The following CCDC91 variants were observed in gnomAD, a reference collection of about 807,000 sequenced individuals.
CCDC91 encodes the protein coiled-coil domain-containing protein 91.
A neutral mutation model predicts 63.2 loss-of-function variants in CCDC91; 48 were observed. The ratio of observed to expected loss-of-function variants is 0.76; its 90% CI spans 0.60 to 0.97. CCDC91 has a LOEUF of 0.97. Among genes scored for constraint, CCDC91 ranks in the 50% least tolerant of loss-of-function variants. The probability of loss-of-function intolerance (pLI) is 0.00; values close to 1 mark genes in which losing one functional copy is unlikely to be tolerated. For missense variants in CCDC91, 500 were observed against 494.6 expected (o/e 1.01, Z -0.10); for synonymous variants, 167 against 165.8 (o/e 1.01, Z -0.06).
intron 1 of CCDC91, among the ~76,000 whole-genome samples, chr12:28,238,484 T>G (rs1249279752): frequency 6.6e-6 from 1 of 152,204 alleles, no homozygotes; most frequent in East Asian, 1.9e-4. Flanking sequence ...TGTGAGTTAC[T>G]AGAGCCTTTG....
chr12:28,311,234 C>A (rs1939289218), intron 6 of CCDC91, among the ~76,000 whole-genome samples: 1 of 151,918 alleles, frequency 6.6e-6, no homozygotes, highest in South Asian at 2.1e-4. Flanking sequence ...ACATCCCTGG[C>A]TGGGAGCAGG....
intron 11 of CCDC91, among the ~76,000 whole-genome samples, chr12:28,471,989 G>A (rs1215878633): frequency 7.2e-5 from 11 of 152,108 alleles, no homozygotes; most frequent in Admixed American, 7.2e-4. Flanking sequence ...GCCCTCAAGT[G>A]ATCAGCCCGC....
At chr12:28,276,883 T>C (rs1948266697) in intron 3 of CCDC91, among the ~76,000 whole-genome samples, 1 of 152,026 alleles carries the variant, frequency 6.6e-6, no homozygotes, top group Non-Finnish European at 1.5e-5. Flanking sequence ...TTTAAAGGTT[T>C]ATATACAGTT....
At chr12:28,222,528 A>G (rs2135695928) in intron 1 of CCDC91, among the ~76,000 whole-genome samples, 1 of 152,300 alleles carries the variant, frequency 6.6e-6, no homozygotes, top group South Asian at 2.1e-4. Context: ...TATTTTTACT[A>G]AGCCTTGAAA....
At chr12:28,236,904 T>G (rs1215439417) in intron 1 of CCDC91, 2 of 152,100 alleles carry the variant, frequency 1.3e-5, no homozygotes, top group East Asian at 1.9e-4. Context: ...ACATTTCAAG[T>G]AAAGAATTTG....
At chr12:28,219,936 T>C (rs1259423693) in intron 1 of CCDC91, among the ~76,000 whole-genome samples, 1 of 152,210 alleles carries the variant, frequency 6.6e-6, no homozygotes, top group Non-Finnish European at 1.5e-5. Flanking sequence ...TTTCTTTTGA[T>C]TGATGTTTGC....
intron 3 of CCDC91, chr12:28,304,752 C>A: frequency 1.4e-6 from 1 of 735,734 alleles, no homozygotes; most frequent in Non-Finnish European, 1.9e-6. Context: ...AAATGGGCTG[C>A]ACCAAAAAGT....
chr12:28,540,759 A>G (rs1003258573), intron 12 of CCDC91, among the ~76,000 whole-genome samples: 1 of 152,124 alleles, frequency 6.6e-6, no homozygotes, highest in African/African-American at 2.4e-5. Flanking sequence ...AGATTGGGCT[A>G]TTAAAAGATT....
intron 7 of CCDC91, among the ~76,000 whole-genome samples, chr12:28,384,171 G>A (rs1258063997): frequency 6.6e-6 from 1 of 152,010 alleles, no homozygotes. Flanking sequence ...GAGAATGTAA[G>A]TATTGCAGAA....
chr12:28,392,338 A>G (rs1469983671), intron 8 of CCDC91, among the ~76,000 whole-genome samples: 1 of 152,176 alleles, frequency 6.6e-6, no homozygotes, highest in African/African-American at 2.4e-5. Context: ...TCAAATAGCA[A>G]AAGTTTATAT....
chr12:28,454,178 G>A (rs1191257369), intron 11 of CCDC91, among the ~76,000 whole-genome samples: 1 of 152,036 alleles, frequency 6.6e-6, no homozygotes, highest in Non-Finnish European at 1.5e-5. Flanking sequence ...TGGATTTCAG[G>A]ACATTTATTT....
At chr12:28,248,158 C>T (rs1245834728) in intron 1 of CCDC91, among the ~76,000 whole-genome samples, 1 of 152,114 alleles carries the variant, frequency 6.6e-6, no homozygotes, top group East Asian at 1.9e-4. Context: ...TGCAAGTTTT[C>T]TTCTTGACCA....
At chr12:28,385,658 AATCAGTAC>A (rs1238141160) in intron 7 of CCDC91, among the ~76,000 whole-genome samples, 1 of 152,230 alleles carries the variant, frequency 6.6e-6, no homozygotes, top group Admixed American at 6.5e-5. Flanking sequence ...ATGGTCACAT[AATCAGTAC>A]AAAGATGATA....
chr12:28,194,476 C>A (rs933048724), intron 1 of CCDC91, among the ~76,000 whole-genome samples: 14 of 152,260 alleles, frequency 9.2e-5, no homozygotes, highest in Middle Eastern at 3.4e-3. Context: ...TCTGGAGTTT[C>A]TTCCTTCTGG....
intron 1 of CCDC91, among the ~76,000 whole-genome samples, chr12:28,242,291 G>C (rs1162016939): frequency 2.0e-5 from 3 of 152,124 alleles, no homozygotes; most frequent in African/African-American, 7.2e-5. Flanking sequence ...TACAAACAAA[G>C]AAGCTTGTTT....
At chr12:28,490,476 A>G (rs1054285502) in intron 12 of CCDC91, among the ~76,000 whole-genome samples, 1 of 151,850 alleles carries the variant, frequency 6.6e-6, no homozygotes, top group Non-Finnish European at 1.5e-5. Flanking sequence ...GTATAATTAT[A>G]TCCATTTCAG....
chr12:28,374,161 C>A (rs902164529), intron 7 of CCDC91, among the ~76,000 whole-genome samples: 7 of 152,114 alleles, frequency 4.6e-5, no homozygotes, highest in Admixed American at 1.3e-4. Context: ...GTTCCACCCC[C>A]CTTTCCTTGT....
chr12:28,329,926 C>G (rs1376269487), intron 6 of CCDC91, among the ~76,000 whole-genome samples: 1 of 152,118 alleles, frequency 6.6e-6, no homozygotes, highest in East Asian at 1.9e-4. Context: ...TCATCCATGT[C>G]CCTGCAAAGG....
chr12:28,372,565 G>A (rs1046808084), intron 7 of CCDC91, among the ~76,000 whole-genome samples: 1 of 151,064 alleles, frequency 6.6e-6, no homozygotes, highest in Non-Finnish European at 1.5e-5. Flanking sequence ...ACTTGGTTAT[G>A]TATATTCCTG....
Sources: gnomAD v4.1 joint callset for allele counts (sites outside exome capture counted in the v4.1 genomes callset) on GRCh38, gnomAD v4.1.1 for gene constraint, MANE v1.5 for transcripts, NCBI Gene and HGNC (gene_info 2026-07-23, HGNC 2026-07-21) for gene names.